RPRD1A: variants seen among roughly 807,000 people sequenced by gnomAD.
RPRD1A encodes regulation of nuclear pre-mRNA domain containing 1A, also known as regulation of nuclear pre-mRNA domain-containing protein 1A.
A neutral mutation model predicts 37.8 loss-of-function variants in RPRD1A; 9 were observed. That is an observed-to-expected ratio of 0.24 (90% CI 0.14 to 0.42). The LOEUF is 0.42. RPRD1A is among the 10% of genes least tolerant of loss of function. The probability of loss-of-function intolerance (pLI) is 1.00; values close to 1 mark genes in which losing one functional copy is unlikely to be tolerated. For synonymous variants in RPRD1A, 138 were observed against 139.7 expected, an observed-to-expected ratio of 0.99 and a Z score of 0.08; for missense variants, 255 against 371.0, an observed-to-expected ratio of 0.69 and a Z score of 2.57.
intron 1 of RPRD1A, among the ~76,000 whole-genome samples, chr18:36,034,539 C>T (rs966973998): frequency 6.6e-6 from 1 of 152,128 alleles, no homozygotes; most frequent in African/African-American, 2.4e-5. Flanking sequence ...CATACTACTA[C>T]TGAATATGAC....
chr18:36,027,421 T>C (rs1568130781), intron 4 of RPRD1A, 111 bp from the exon 5 acceptor site: 1 of 1,100,972 alleles, frequency 9.1e-7, no homozygotes, highest in Non-Finnish European at 1.3e-6. Context: ...ACAAAGCTCC[T>C]AATATAAACT....
intron 6 of RPRD1A, among the ~76,000 whole-genome samples, chr18:36,006,576 A>C (rs1049613646): frequency 7.9e-5 from 12 of 152,188 alleles, no homozygotes; most frequent in African/African-American, 2.7e-4. Context: ...TAGTACTGGA[A>C]AATTTAATTT....
At chr18:36,059,907 A>C (rs996137047) in intron 1 of RPRD1A, among the ~76,000 whole-genome samples, 1 of 152,226 alleles carries the variant, frequency 6.6e-6, no homozygotes, top group African/African-American at 2.4e-5. Flanking sequence ...ATAACTATTG[A>C]AGCTGCAAGA....
At chr18:36,049,822 T>C (rs1485520940) in intron 1 of RPRD1A, among the ~76,000 whole-genome samples, 1 of 152,220 alleles carries the variant, frequency 6.6e-6, no homozygotes, top group Non-Finnish European at 1.5e-5. Context: ...CTTTATTCTT[T>C]AGGAGTTTAT....
chr18:36,004,024 TGTAGAGACTGGG>T (rs1909586724), intron 6 of RPRD1A, among the ~76,000 whole-genome samples: 1 of 138,086 alleles, frequency 7.2e-6, no homozygotes, highest in Non-Finnish European at 1.5e-5. Context: ...TTTTTTTTTT[TGTAGAGACTGGG>T]TTTCGCCATG....
At position 36,033,681 on chromosome 18, in the gene RPRD1A, AC is replaced by A. The variant is rs771058004; in HGVS notation, c.281+26del. 65 of 1,591,710 alleles carry A rather than the reference AC, an allele frequency of 4.1e-5. No individual in the cohort carries two copies. In the African/African-American group the frequency reaches 8.1e-4, roughly 20 times the overall value. Reference sequence around the variant, plus strand: ...ACATATGGTACATTTAAAACAGATTACCTAATACCCAAAACTATGATCATAC... The same window carrying A: ...ACATATGGTACATTTAAAACAGATTACTAATACCCAAAACTATGATCATAC... On this transcript the variant is annotated intron_variant, in intron 2 of 6. Transcript: ENST00000399022.
At chr18:36,052,297 A>G (rs1017991372) in intron 1 of RPRD1A, among the ~76,000 whole-genome samples, 1 of 151,968 alleles carries the variant, frequency 6.6e-6, no homozygotes, top group South Asian at 2.1e-4. Flanking sequence ...AAGAAATCCT[A>G]AAGACAGTCC....
chr18:36,053,737 C>T lies in RPRD1A; in HGVS notation c.151+13517G>A, dbSNP rs572268162. ...TCTATGTTAACATGAGTAAGGAGGA[C>T]AGCTAGTAGGTAAATGAGATTAGAC... On this transcript the variant is annotated intron_variant, in intron 1 of 6. Coordinates refer to ENST00000399022, the MANE Select transcript of RPRD1A (RefSeq NM_018170.5). Among the ~76,000 whole-genome samples the T allele has an allele frequency of 3.3e-5, 5 of 152,126 alleles. No individual in the cohort carries two copies. The South Asian group carries it at 1.0e-3, about 32-fold the overall frequency.
intron 6 of RPRD1A, among the ~76,000 whole-genome samples, chr18:35,994,022 A>T (rs1163801649): frequency 6.6e-6 from 1 of 152,196 alleles, no homozygotes; most frequent in Non-Finnish European, 1.5e-5. Flanking sequence ...AGAAGAGGCA[A>T]GCCAAGACAA....
chr18:36,043,689 T>C (rs1375935281), intron 1 of RPRD1A, among the ~76,000 whole-genome samples: 1 of 152,052 alleles, frequency 6.6e-6, no homozygotes, highest in Non-Finnish European at 1.5e-5. Flanking sequence ...TTTTTTGTTT[T>C]ACAAATAAAT....
At chr18:36,035,690 C>T (rs1568136701) in intron 1 of RPRD1A, among the ~76,000 whole-genome samples, 2 of 152,156 alleles carry the variant, frequency 1.3e-5, no homozygotes. Context: ...GAGTTAAGAG[C>T]AACCTAACCC....
intron 6 of RPRD1A, among the ~76,000 whole-genome samples, chr18:36,015,143 C>CACAT (rs1910433328): frequency 7.8e-6 from 1 of 127,590 alleles, no homozygotes; most frequent in African/African-American, 2.8e-5. Context: ...CACACACACA[C>CACAT]ACACACACAC....
intron 6 of RPRD1A, among the ~76,000 whole-genome samples, chr18:36,012,345 T>G (rs1203505638): frequency 6.6e-6 from 1 of 152,194 alleles, no homozygotes; most frequent in African/African-American, 2.4e-5. Flanking sequence ...TCGTTACCGG[T>G]TTATGTATTT....
intron 6 of RPRD1A, among the ~76,000 whole-genome samples, chr18:35,994,736 C>T (rs1291565314): frequency 2.0e-5 from 3 of 152,152 alleles, no homozygotes; most frequent in African/African-American, 7.2e-5. Context: ...CTAGCTAAAA[C>T]CAAGAGAAGA....
At chr18:36,049,791 A>C (rs997133034) in intron 1 of RPRD1A, among the ~76,000 whole-genome samples, 5 of 152,154 alleles carry the variant, frequency 3.3e-5, no homozygotes, top group Admixed American at 6.5e-5. Context: ...ATGGGTGTGC[A>C]TATATCTGTT....
intron 6 of RPRD1A, among the ~76,000 whole-genome samples, chr18:35,997,897 A>G (rs567859781): frequency 2.0e-5 from 3 of 152,314 alleles, no homozygotes; most frequent in Admixed American, 1.3e-4. Flanking sequence ...CCAAACTTCA[A>G]TTAGTTAACT....
intron 6 of RPRD1A, chr18:36,026,264 C>T (rs2144270641): frequency 6.6e-6 from 1 of 152,400 alleles, no homozygotes; most frequent in South Asian, 2.1e-4. Context: ...AACTCATCAA[C>T]TGAAAGATTT....
At chr18:36,046,157 C>T (rs1303427523) in intron 1 of RPRD1A, among the ~76,000 whole-genome samples, 2 of 152,122 alleles carry the variant, frequency 1.3e-5, no homozygotes, top group African/African-American at 4.8e-5. Flanking sequence ...CAGCCAAACA[C>T]CATCGAAAAA....
At chr18:36,035,238 A>G (rs903911300) in intron 1 of RPRD1A, among the ~76,000 whole-genome samples, 2 of 152,200 alleles carry the variant, frequency 1.3e-5, no homozygotes, top group Non-Finnish European at 2.9e-5. Flanking sequence ...CCAGTGTCAA[A>G]TGAGTTTAGA....
Sources: allele counts gnomAD v4.1 joint callset (sites outside exome capture counted in the v4.1 genomes callset), GRCh38; gene constraint gnomAD v4.1.1; transcripts MANE v1.5; gene names NCBI Gene and HGNC (gene_info 2026-07-23, HGNC 2026-07-21).